The following FAM193B variants were observed in gnomAD, a reference collection of about 807,000 sequenced individuals.
FAM193B encodes family with sequence similarity 193 member B.
A neutral mutation model predicts 70.7 loss-of-function variants in FAM193B; 27 were observed. The ratio of observed to expected loss-of-function variants is 0.38; its 90% CI spans 0.28 to 0.53. The LOEUF is 0.53. Ranked by LOEUF, FAM193B falls within the 20% of genes least tolerant of loss-of-function variation. The pLI, the probability that FAM193B is intolerant of heterozygous loss-of-function variation, is 0.81. For missense variants in FAM193B, 1,022 were observed against 1,072.5 expected, an observed-to-expected ratio of 0.95 and a Z score of 0.66; for synonymous variants, 448 against 436.0, an observed-to-expected ratio of 1.03 and a Z score of -0.34.
At chr5:177,550,603 C>A (rs1223613423) in intron 1 of FAM193B, among the ~76,000 whole-genome samples, 1 of 152,166 alleles carries the variant, frequency 6.6e-6, no homozygotes, top group East Asian at 1.9e-4. Context: ...GAGTTCACCT[C>A]TCCTCACCAA....
intron 5 of FAM193B, among the ~76,000 whole-genome samples, chr5:177,530,811 C>T (rs1426287958): frequency 6.6e-6 from 1 of 152,148 alleles, no homozygotes; most frequent in Non-Finnish European, 1.5e-5. Context: ...GCCAGGAGGG[C>T]CCTCCTGAGG....
At position 177,524,876 on chromosome 5, in the gene FAM193B, G is replaced by A; in HGVS notation, c.1605C>T (p.Ser535=). Reference sequence around the variant, plus strand: ...TCTGAGGGGAGCCCAAAGTCAAAGGGGACAGGTCAAGGTTGATGTCAGGCT... The same window carrying A: ...TCTGAGGGGAGCCCAAAGTCAAAGGAGACAGGTCAAGGTTGATGTCAGGCT... ...EQQPDINLDL[S]PLTLGSPQNH... The change falls in exon 6 of 9, where the codon TCC becomes TCT. Residue 535 remains serine (S), a synonymous_variant. Coordinates refer to ENST00000514747, the MANE Select transcript of FAM193B (RefSeq NM_001190946.3). 1 of 1,511,532 alleles carries A rather than the reference G, an allele frequency of 6.6e-7. No individual in the cohort carries two copies. The highest frequency in any genetic ancestry group is 8.8e-7 in the Non-Finnish European group (1 of 1,131,808). 93.6% of individuals were successfully genotyped at this position (1,511,532 alleles called of 1,614,324 possible). A position where few individuals can be genotyped will look rare whatever the true frequency, so the allele number is the denominator to read the frequency against.
chr5:177,545,202 CCTGA>C (rs1190334729), intron 1 of FAM193B, among the ~76,000 whole-genome samples: 8 of 152,226 alleles, frequency 5.3e-5, no homozygotes, highest in East Asian at 3.9e-4. Flanking sequence ...TGCCAATACG[CCTGA>C]CTAATTTTTA....
At position 177,536,173 on chromosome 5, in the gene FAM193B, A is replaced by G. The variant is rs146766436; in HGVS notation, c.1076+185T>C. On this transcript the variant is annotated intron_variant, in intron 4 of 8. Transcript: ENST00000514747. ...AGTGATCTTCCTGCCTAGGACTCCC[A>G]AAGCGCTAGGAGTATAGGTGTGAGC... The G allele has an allele frequency of 3.9e-3, 2,494 of 639,292 alleles. 56 individuals are homozygous for G. In the African/African-American group the frequency reaches 0.043, roughly 11 times the overall value. 39.6% of individuals were successfully genotyped at this position (639,292 alleles called of 1,614,324 possible).
chr5:177,532,756 TC>T lies in FAM193B; in HGVS notation c.1077-116del. 2.1e-6 allele frequency: 2 copies of T among 962,014 alleles called. No homozygotes were observed. The highest frequency in any genetic ancestry group is 2.9e-6 in the Non-Finnish European group (2 of 683,364). 59.6% of individuals were successfully genotyped at this position (962,014 alleles called of 1,614,324 possible). On this transcript the variant is annotated intron_variant, in intron 4 of 8. Coordinates refer to ENST00000514747, the MANE Select transcript of FAM193B (RefSeq NM_001190946.3). This position sits in a 1 kb window ranked among gnomAD's most constrained non-coding sequence, Gnocchi z 4.9. ...CTTCACTTGCCCCACTCCACAGAGG[TC>T]CCAGGTGGTCCAACTACATTGCACC...
intron 1 of FAM193B, chr5:177,553,526 G>A (rs1302299423): frequency 1.7e-6 from 2 of 1,144,212 alleles, no homozygotes; most frequent in Non-Finnish European, 2.2e-6. Flanking sequence ...TCAAAAGAAA[G>A]TGACCTTCTT....
At chr5:177,520,281 G>A (rs1427231809) in intron 8 of FAM193B, 100 bp from the exon 9 acceptor site, 1 of 152,268 alleles carries the variant, frequency 6.6e-6, no homozygotes, top group East Asian at 1.9e-4. Flanking sequence ...AGCAGAAACA[G>A]CTGGCTGCTA....
In FAM193B at chr5:177,537,991, C is replaced by T. The variant is rs766157177; in HGVS notation, c.570G>A (p.Ser190=). 2.6e-5 allele frequency: 40 copies of T among 1,559,448 alleles called. 1 individual carries two copies. Among genetic ancestry groups the T allele is most frequent in the Admixed American group, 1.6e-4 (8 of 51,410 alleles). Residue 190 remains serine (S), a synonymous_variant, in exon 3 of 9, where the codon TCG becomes TCA. Transcript: ENST00000514747. ...SSSSSSCPGN[S]GDWDPSSFLS... ...GGAACGAGCTAGGATCCCAGTCTCC[C>T]GAGTTCCCAGGGCAGGAAGAGGAGG...
rs77820638 is a variant in FAM193B, at chr5:177,535,938, T to A, written c.1076+420A>T. Among the ~76,000 whole-genome samples, 9 of 101,748 alleles carry A rather than the reference T, an allele frequency of 8.8e-5. No homozygotes were observed. In the East Asian group the frequency reaches 2.0e-3, roughly 23 times the overall value. 66.8% of individuals were successfully genotyped at this position (101,748 alleles called of 152,430 possible). On this transcript the variant is annotated intron_variant, in intron 4 of 8. Transcript: ENST00000514747. ...CACATACTATTTTTTTTTTTTTTTTTAAAGCTCTGTCACCCAGGCTGGAGT... is the reference window on the plus strand; with the variant it reads ...CACATACTATTTTTTTTTTTTTTTTAAAAGCTCTGTCACCCAGGCTGGAGT...
In FAM193B at chr5:177,536,779, G is replaced by T. The variant is rs753396358; in HGVS notation, c.689-34C>A. 7.8e-6 allele frequency: 12 copies of T among 1,541,320 alleles called. No individual in the cohort carries two copies. In the South Asian group the frequency reaches 1.3e-4, roughly 17 times the overall value. On this transcript the variant is annotated intron_variant, in intron 3 of 8. Transcript: ENST00000514747. Reference sequence around the variant, plus strand: ...AGAGGGAGGAGAAAGGGGTCAGAATGGGAGCCCAGACCTGGGAAGGAAAGC... The same window carrying T: ...AGAGGGAGGAGAAAGGGGTCAGAATTGGAGCCCAGACCTGGGAAGGAAAGC...
At chr5:177,546,837 AAT>A (rs1402883299) in intron 1 of FAM193B, among the ~76,000 whole-genome samples, 1 of 152,226 alleles carries the variant, frequency 6.6e-6, no homozygotes, top group Non-Finnish European at 1.5e-5. Flanking sequence ...TTTCTGTTTT[AAT>A]ATCCCCACAA....
chr5:177,536,220 A>G lies in FAM193B; in HGVS notation c.1076+138T>C, dbSNP rs112961035. ...GAGCCACTGTGCCAGGCCAAAACACATACTTCTTTACAATTGAAAAATAAT... is the reference window on the plus strand; with the variant it reads ...GAGCCACTGTGCCAGGCCAAAACACGTACTTCTTTACAATTGAAAAATAAT... On this transcript the variant is annotated intron_variant, in intron 4 of 8. Coordinates refer to ENST00000514747, the MANE Select transcript of FAM193B (RefSeq NM_001190946.3). 146 of 1,024,738 alleles carry G rather than the reference A, an allele frequency of 1.4e-4. 2 individuals carry two copies. The highest frequency in any genetic ancestry group is 9.6e-4 in the African/African-American group (60 of 62,450). 63.5% of individuals were successfully genotyped at this position (1,024,738 alleles called of 1,614,324 possible).
At position 177,548,010 on chromosome 5, in the gene FAM193B, A is replaced by G. The variant is rs575279471; in HGVS notation, c.210+6239T>C. ...CCCAAGACATAGCATGCCTCTCCTC[A>G]GTCCTTCTCTGCTTCTGCACATCCT... On this transcript the variant is annotated intron_variant, in intron 1 of 8. Transcript: ENST00000514747. 9.2e-5 allele frequency among the ~76,000 whole-genome samples: 14 copies of G among 152,292 alleles called. No homozygotes were observed. The South Asian group carries it at 2.9e-3, about 32-fold the overall frequency.
chr5:177,538,906 G>A lies in FAM193B; in HGVS notation c.452C>T (p.Ala151Val), dbSNP rs1237775408. 7 of 1,613,756 alleles carry A rather than the reference G, an allele frequency of 4.3e-6. No individual in the cohort carries two copies. The highest frequency in any genetic ancestry group is 2.2e-5 in the East Asian group (1 of 44,896). Residue 151 changes from alanine (A) to valine (V), a missense_variant and splice_region_variant, in exon 2 of 9, where the codon GCG (alanine) becomes GTG (valine). Transcript: ENST00000514747. The surrounding 1 kb of genome is among the most constrained non-coding windows in gnomAD (Gnocchi z 4.1). ...GGACCCCTGTCAGCGGTTACCTACC[G>A]CCACTGCATGTTCTCGACCTGTCTG... ...ERQTGREHAV[A>V]ISLSHTSCKS...
intron 5 of FAM193B, among the ~76,000 whole-genome samples, chr5:177,528,343 C>T (rs984224287): frequency 3.9e-5 from 6 of 152,286 alleles, no homozygotes; most frequent in Middle Eastern, 3.4e-3. Flanking sequence ...ACAGTGAATG[C>T]AGACATCATT....
At chr5:177,545,715 G>C (rs1317071051) in intron 1 of FAM193B, among the ~76,000 whole-genome samples, 1 of 151,196 alleles carries the variant, frequency 6.6e-6, no homozygotes, top group Non-Finnish European at 1.5e-5. Flanking sequence ...TTTCTAGCTT[G>C]GCCTTTCTGT....
chr5:177,521,333 G>A (rs944801176), intron 8 of FAM193B, among the ~76,000 whole-genome samples: 1 of 152,224 alleles, frequency 6.6e-6, no homozygotes, highest in African/African-American at 2.4e-5. Context: ...CATTGTTTCA[G>A]ACAAAAGGAC....
chr5:177,538,033 TGAG>T lies in FAM193B; in HGVS notation c.525_527del (p.Ser185del), dbSNP rs1561773980. ...AAGAGGAGGACGAGGATGAGGATGA[TGAG>T]GAGGAAGACGAGGACGAATGAGAGT... On this transcript the variant is annotated inframe_deletion, in exon 3 of 9. Coordinates refer to ENST00000514747, the MANE Select transcript of FAM193B (RefSeq NM_001190946.3). This position sits in a 1 kb window ranked among gnomAD's most constrained non-coding sequence, Gnocchi z 4.1. 41 of 1,554,204 alleles carry T rather than the reference TGAG, an allele frequency of 2.6e-5. No homozygotes were observed. Among genetic ancestry groups the T allele is most frequent in the Middle Eastern group, 1.7e-4 (1 of 5,994 alleles).
chr5:177,534,611 G>A (rs1244322715), intron 4 of FAM193B, among the ~76,000 whole-genome samples: 1 of 151,824 alleles, frequency 6.6e-6, no homozygotes, highest in African/African-American at 2.4e-5. Context: ...CAGCAAAATT[G>A]ATTTTATTTT....
Sources: gnomAD v4.1 joint callset for allele counts (sites outside exome capture counted in the v4.1 genomes callset) on GRCh38, gnomAD v4.1.1 for gene constraint, Gnocchi (gnomAD v3.1) non-coding constraint, MANE v1.5 for transcripts, NCBI Gene and HGNC (gene_info 2026-07-23, HGNC 2026-07-21) for gene names.